Variants in SUCLG1 observed in about 807,000 individuals in gnomAD.
The protein encoded by SUCLG1 is succinate-CoA ligase GDP/ADP-forming subunit alpha.
In SUCLG1, 26 loss-of-function variants were observed where a neutral mutation model predicts 37.3. The ratio of observed to expected loss-of-function variants is 0.70; its 90% CI spans 0.51 to 0.97. SUCLG1 has a LOEUF of 0.97. SUCLG1 is among the 50% of genes least tolerant of loss of function. The pLI, the probability that SUCLG1 is intolerant of heterozygous loss-of-function variation, is 0.00. For synonymous variants in SUCLG1, 163 were observed against 155.6 expected (o/e 1.05, Z -0.36); for missense variants, 433 against 432.9 (o/e 1.00, Z 0.00).
At position 84,441,345 on chromosome 2, in the gene SUCLG1, C is replaced by T. The variant is rs1448361563; in HGVS notation, c.433G>A (p.Glu145Lys). The T allele has an allele frequency of 1.1e-5, 17 of 1,614,124 alleles. No individual in the cohort carries two copies. Among genetic ancestry groups the T allele is most frequent in the Non-Finnish European group, 1.4e-5 (17 of 1,180,034 alleles). Residue 145 changes from glutamate (E) to lysine (K), a missense_variant, in exon 4 of 9, where the codon GAA becomes AAA. Transcript: ENST00000393868. ...ACCATGTCCTGCTGGGGAATTCCTT[C>T]AGTGATACACACAACCAAGGGAATT... The part of the protein sequence containing the change: ...AEIPLVVCIT[E>K]GIPQQDMVRV...
At chr2:84,426,874 C>T (rs1411107621) in intron 7 of SUCLG1, 3 of 152,262 alleles carry the variant, frequency 2.0e-5, no homozygotes, top group Admixed American at 2.0e-4. Context: ...GTTCTCAGAT[C>T]ATTTGGTCTA....
chr2:84,440,486 G>C (rs1345062129), intron 5 of SUCLG1, among the ~76,000 whole-genome samples: 1 of 152,178 alleles, frequency 6.6e-6, no homozygotes, highest in Non-Finnish European at 1.5e-5. Context: ...GAACTATTTG[G>C]CAGTTTCTTA....
rs556791864 is a variant in SUCLG1, at chr2:84,443,240, C to T, written c.318+44G>A. 14 of 1,521,518 alleles carry T rather than the reference C, an allele frequency of 9.2e-6. No homozygotes were observed. In the African/African-American group the frequency reaches 1.6e-4, roughly 18 times the overall value. The allele number at this position is 1,521,518 out of a possible 1,614,324, so 94.3% of individuals were successfully genotyped here. ...CTCTACCCAAAGAATGCTCGCTCTT[C>T]CCTTGCTTTTCTTGTCTTGCCAAAC... On this transcript the variant is annotated intron_variant, in intron 3 of 8. Coordinates refer to ENST00000393868, the MANE Select transcript of SUCLG1 (RefSeq NM_003849.4).
chr2:84,456,203 T>C (rs948761504), intron 1 of SUCLG1, among the ~76,000 whole-genome samples: 8 of 152,132 alleles, frequency 5.3e-5, no homozygotes, highest in Non-Finnish European at 1.0e-4. Flanking sequence ...TTGAGCAGGA[T>C]AGTCACCTTC....
intron 7 of SUCLG1, among the ~76,000 whole-genome samples, chr2:84,427,687 GGTTTACTTT>G (rs1672554120): frequency 6.6e-6 from 1 of 152,124 alleles, no homozygotes; most frequent in Non-Finnish European, 1.5e-5. Flanking sequence ...TGACACAGCA[GGTTTACTTT>G]GTTCATTATT....
chr2:84,425,332 G>A, intron 8 of SUCLG1, 83 bp downstream of exon 8: 2 of 1,543,232 alleles, frequency 1.3e-6, no homozygotes, highest in South Asian at 2.3e-5. Flanking sequence ...AGAAGCAAAG[G>A]CCATGATTTC....
intron 2 of SUCLG1, among the ~76,000 whole-genome samples, chr2:84,446,788 T>C (rs2104260669): frequency 6.6e-6 from 1 of 152,342 alleles, no homozygotes; most frequent in Admixed American, 6.5e-5. Context: ...AATGTTTGTA[T>C]GACATTGCTA....
Position 84,454,117 on chromosome 2 carries a change from A to T in SUCLG1, c.98-4365T>A, listed in dbSNP as rs187900054. On this transcript the variant is annotated intron_variant, in intron 1 of 8. Transcript: ENST00000393868. ...CTCCCAAAACTGGGTTTACAACCCT[A>T]CATGAACACAAAGGCAAATCTATCC... 7.2e-5 allele frequency among the ~76,000 whole-genome samples: 11 copies of T among 152,368 alleles called. No homozygotes were observed. The East Asian group carries it at 2.1e-3, about 29-fold the overall frequency.
intron 8 of SUCLG1, among the ~76,000 whole-genome samples, chr2:84,425,088 C>A (rs1672512770): frequency 6.6e-6 from 1 of 152,196 alleles, no homozygotes; most frequent in Non-Finnish European, 1.5e-5. Flanking sequence ...TAAAGCAGTT[C>A]TCTGCACAGC....
At chr2:84,439,178 CTTCT>C (rs1275985841) in intron 5 of SUCLG1, among the ~76,000 whole-genome samples, 1 of 148,698 alleles carries the variant, frequency 6.7e-6, no homozygotes, top group East Asian at 2.0e-4. Flanking sequence ...CACATATTTT[CTTCT>C]TTTTTTTAAA....
intron 2 of SUCLG1, among the ~76,000 whole-genome samples, chr2:84,446,023 C>A (rs1672845142): frequency 6.6e-6 from 1 of 152,250 alleles, no homozygotes; most frequent in African/African-American, 2.4e-5. Flanking sequence ...CACATGCCTG[C>A]CTCATGGCCT....
At chr2:84,457,476 C>T (rs755073257) in intron 1 of SUCLG1, among the ~76,000 whole-genome samples, 3 of 152,312 alleles carry the variant, frequency 2.0e-5, no homozygotes, top group Admixed American at 6.5e-5. Context: ...AGGAAGAACA[C>T]ACTTCCAGTT....
At chr2:84,441,975 A>G (rs1281874379) in intron 3 of SUCLG1, among the ~76,000 whole-genome samples, 1 of 152,210 alleles carries the variant, frequency 6.6e-6, no homozygotes, top group African/African-American at 2.4e-5. Context: ...CTGTGACAAC[A>G]GCAAATATTG....
Position 84,431,565 on chromosome 2 carries a change from AC to A in SUCLG1, c.767del (p.Gly256ValfsTer15). ...TCTCTTCTGCATTACCACCAATTTC[AC>A]CAATCAATATGATGCCTTCTGTGGC... ...DSATEGIILI[G>X]EIGGNAEENA... On this transcript the variant is annotated frameshift_variant, in exon 7 of 9. Coordinates refer to ENST00000393868, the MANE Select transcript of SUCLG1 (RefSeq NM_003849.4). LOFTEE classifies it high-confidence loss of function. 6.2e-7 allele frequency: 1 copy of A among 1,614,046 alleles called. No individual in the cohort carries two copies. The highest frequency in any genetic ancestry group is 1.1e-5 in the South Asian group (1 of 91,076).
At chr2:84,457,082 G>T (rs1208570487) in intron 1 of SUCLG1, among the ~76,000 whole-genome samples, 1 of 152,146 alleles carries the variant, frequency 6.6e-6, no homozygotes, top group Non-Finnish European at 1.5e-5. Flanking sequence ...CCTTCAGCAA[G>T]TAATGTACCA....
chr2:84,448,140 T>C (rs987111892), intron 2 of SUCLG1, among the ~76,000 whole-genome samples: 6 of 147,192 alleles, frequency 4.1e-5, no homozygotes, highest in African/African-American at 1.5e-4. Context: ...GAAGGTCCAC[T>C]GCAACACATT....
rs1288554561 is a variant in SUCLG1, at chr2:84,436,293, CT to C, written c.590-2859del. Among the ~76,000 whole-genome samples, 6 of 152,252 alleles carry C rather than the reference CT, an allele frequency of 3.9e-5. No homozygotes were observed. The East Asian group carries it at 1.2e-3, about 29-fold the overall frequency. ...GAATTATATTAAAATCATAATAATGCTTTTTAAAAAACAAAAATTTTATCAA... is the reference window on the plus strand; with the variant it reads ...GAATTATATTAAAATCATAATAATGCTTTTAAAAAACAAAAATTTTATCAA... On this transcript the variant is annotated intron_variant, in intron 5 of 8. Transcript: ENST00000393868.
intron 2 of SUCLG1, among the ~76,000 whole-genome samples, chr2:84,446,951 A>G (rs539463385): frequency 1.3e-5 from 2 of 152,326 alleles, no homozygotes; most frequent in South Asian, 4.1e-4. Flanking sequence ...TTAATCCTAA[A>G]GTAGTGCTAA....
In SUCLG1 at chr2:84,456,235, CA is replaced by C. The variant is rs905242861; in HGVS notation, c.97+2937del. ...CTTCTCAACACATCACTAAGACTGC[CA>C]AAAAAAAATCAGAGCTTCGAAAAAA... is the stretch of plus-strand genomic sequence containing the variant. On this transcript the variant is annotated intron_variant, in intron 1 of 8. Transcript: ENST00000393868. 2.8e-4 allele frequency among the ~76,000 whole-genome samples: 42 copies of C among 149,972 alleles called. 1 individual carries two copies. Among genetic ancestry groups the C allele is most frequent in the Middle Eastern group, 6.8e-3 (2 of 294 alleles).
Sources: gnomAD v4.1 joint callset for allele counts (sites outside exome capture counted in the v4.1 genomes callset) on GRCh38, gnomAD v4.1.1 for gene constraint, MANE v1.5 for transcripts, NCBI Gene and HGNC (gene_info 2026-07-23, HGNC 2026-07-21) for gene names.